Variants in ERICH3 observed in about 807,000 individuals in gnomAD.
ERICH3 encodes glutamate rich 3.
A neutral mutation model predicts 131.1 loss-of-function variants in ERICH3; 126 were observed. The observed-to-expected ratio is 0.96, with a 90% CI of 0.83 to 1.11. The LOEUF is 1.11. Ranked by LOEUF, ERICH3 falls within the 50% of genes most tolerant of loss-of-function variation. The pLI, the probability that ERICH3 is intolerant of heterozygous loss-of-function variation, is 0.00. For missense variants in ERICH3, 2,050 were observed against 1,810.7 expected (o/e 1.13, Z -2.40); for synonymous variants, 695 against 644.6 (o/e 1.08, Z -1.18).
At chr1:74,655,229 A>T (rs533398979) in intron 1 of ERICH3, among the ~76,000 whole-genome samples, 8 of 152,312 alleles carry the variant, frequency 5.3e-5, no homozygotes, top group African/African-American at 1.9e-4. Flanking sequence ...CCAAATTGTG[A>T]CTTATTCCAT....
intron 11 of ERICH3, among the ~76,000 whole-genome samples, chr1:74,595,761 T>C (rs1053346443): frequency 5.9e-5 from 9 of 152,082 alleles, no homozygotes; most frequent in African/African-American, 2.2e-4. Flanking sequence ...AGGATAGTTC[T>C]ACATTTAAGT....
intron 7 of ERICH3, among the ~76,000 whole-genome samples, chr1:74,630,797 T>C (rs765633642): frequency 1.4e-5 from 2 of 146,882 alleles, no homozygotes; most frequent in Non-Finnish European, 3.0e-5. Context: ...AGTGAAAGAG[T>C]ATCTGATCAA....
At chr1:74,594,921 G>T (rs1057462804) in intron 11 of ERICH3, among the ~76,000 whole-genome samples, 1 of 152,068 alleles carries the variant, frequency 6.6e-6, no homozygotes, top group Non-Finnish European at 1.5e-5. Flanking sequence ...TACAGAAATT[G>T]CAGTTTAAGT....
intron 7 of ERICH3, chr1:74,623,515 C>T (rs1298655715): frequency 6.6e-6 from 1 of 152,070 alleles, no homozygotes; most frequent in Non-Finnish European, 1.5e-5. Flanking sequence ...GTAGGGTGAC[C>T]ATGAAATTTA....
intron 7 of ERICH3, chr1:74,621,497 A>C (rs1246846827): frequency 6.6e-6 from 1 of 152,166 alleles, no homozygotes; most frequent in Non-Finnish European, 1.5e-5. Context: ...GGTGTCATCA[A>C]TAATTTGGGC....
In ERICH3 at chr1:74,638,126, A is replaced by G. The variant is rs532851559; in HGVS notation, c.445-1688T>C. On this transcript the variant is annotated intron_variant, in intron 5 of 14. Transcript: ENST00000326665. ...GAACAACAAATATTCAGCTCTGGAA[A>G]AGTGTGTGTAAATACTTTAAAAAAT... Among the ~76,000 whole-genome samples, 4 of 152,252 alleles carry G rather than the reference A, an allele frequency of 2.6e-5. No individual in the cohort carries two copies. In the South Asian group the frequency reaches 8.3e-4, roughly 32 times the overall value.
At chr1:74,656,930 C>T (rs1174922255) in intron 1 of ERICH3, among the ~76,000 whole-genome samples, 1 of 152,180 alleles carries the variant, frequency 6.6e-6, no homozygotes. Flanking sequence ...TCTTCTTGTA[C>T]ACCCTCCTAT....
chr1:74,581,216 A>G (rs1647172005), intron 12 of ERICH3, among the ~76,000 whole-genome samples: 1 of 152,124 alleles, frequency 6.6e-6, no homozygotes, highest in Admixed American at 6.6e-5. Context: ...CTTCTATTCA[A>G]ATAGTTGGAG....
intron 3 of ERICH3, among the ~76,000 whole-genome samples, chr1:74,643,963 G>T (rs1040856416): frequency 1.3e-5 from 2 of 152,016 alleles, no homozygotes; most frequent in African/African-American, 4.8e-5. Flanking sequence ...AGGAGGAATT[G>T]TATGTAATTA....
At position 74,599,871 on chromosome 1, in the gene ERICH3, C is replaced by G. The variant is rs1557677437; in HGVS notation, c.1550G>C (p.Gly517Ala). The change falls in exon 11 of 15, where the codon GGA (glycine) becomes GCA (alanine). Residue 517 changes from glycine to alanine, a missense_variant. By Grantham distance (60) the Gly-to-Ala change is moderately conservative. Transcript: ENST00000326665. ...TCCATTCATTTGAACATCAGCCTGTCCTTCTTCATTAGATTTTTCACCTTG... is the reference window on the plus strand; with the variant it reads ...TCCATTCATTTGAACATCAGCCTGTGCTTCTTCATTAGATTTTTCACCTTG... ...EKQGEKSNEE[G>A]QADVQMNGIP... The G allele has an allele frequency of 6.2e-7, 1 of 1,612,158 alleles. No homozygotes were observed. Among genetic ancestry groups the G allele is most frequent in the Non-Finnish European group, 8.5e-7 (1 of 1,178,850 alleles).
chr1:74,616,999 C>T (rs933752451), intron 8 of ERICH3, among the ~76,000 whole-genome samples: 14 of 151,962 alleles, frequency 9.2e-5, no homozygotes, highest in African/African-American at 3.1e-4. Context: ...CTTTTGGGGA[C>T]GTTAGCAATG....
Position 74,571,396 on chromosome 1 carries a change from C to A in ERICH3, c.4314G>T (p.Glu1438Asp). 6.2e-7 allele frequency: 1 copy of A among 1,614,046 alleles called. No individual in the cohort carries two copies. Among genetic ancestry groups the A allele is most frequent in the Non-Finnish European group, 8.5e-7 (1 of 1,180,012 alleles). The change falls in exon 14 of 15, where the codon GAG (glutamate) becomes GAT (aspartate). Residue 1438 changes from glutamate to aspartate, a missense_variant. Transcript: ENST00000326665. ...EAGVGTPGAL[E>D]RKTSGLGQEQ... ...CCTGTCCTAGCCCTGAGGTCTTCCG[C>A]TCCAGGGCTCCTGGAGTGCCCACCC... is the stretch of plus-strand genomic sequence containing the variant.
intron 8 of ERICH3, among the ~76,000 whole-genome samples, chr1:74,613,125 G>C (rs1025858253): frequency 6.6e-6 from 1 of 152,174 alleles, no homozygotes; most frequent in Admixed American, 6.5e-5. Context: ...TCACAGATTG[G>C]ACAAGCTAGA....
At chr1:74,584,200 G>A (rs1348012679) in intron 12 of ERICH3, among the ~76,000 whole-genome samples, 2 of 152,126 alleles carry the variant, frequency 1.3e-5, no homozygotes, top group East Asian at 1.9e-4. Context: ...CAAAATACCA[G>A]GATTAATTAC....
intron 12 of ERICH3, among the ~76,000 whole-genome samples, chr1:74,585,447 T>G (rs567882625): frequency 2.0e-5 from 3 of 152,326 alleles, no homozygotes; most frequent in Admixed American, 2.0e-4. Context: ...TATCATTTTA[T>G]GCAATCAACC....
chr1:74,571,734 T>G lies in ERICH3; in HGVS notation c.3976A>C (p.Thr1326Pro). 1 of 1,614,158 alleles carries G rather than the reference T, an allele frequency of 6.2e-7. No individual in the cohort carries two copies. The highest frequency in any genetic ancestry group is 8.5e-7 in the Non-Finnish European group (1 of 1,180,016). ...GDGDMEGEGN[T>P]QKNEGMGGGR... Reference sequence around the variant, plus strand: ...CCTCCCATGCCCTCATTCTTTTGTGTGTTTCCTTCTCCTTCCATGTCCCCG... The same window carrying G: ...CCTCCCATGCCCTCATTCTTTTGTGGGTTTCCTTCTCCTTCCATGTCCCCG... The change falls in exon 14 of 15, where the codon ACA becomes CCA. Residue 1326 changes from threonine to proline, a missense_variant. Thr to Pro is a conservative substitution (Grantham distance 38). Transcript: ENST00000326665.
At chr1:74,594,294 GT>G (rs1647744630) in intron 11 of ERICH3, among the ~76,000 whole-genome samples, 1 of 151,840 alleles carries the variant, frequency 6.6e-6, no homozygotes, top group South Asian at 2.1e-4. Context: ...GTGTGTGTGT[GT>G]GTGTGTGTGT....
chr1:74,669,998 C>G (rs1167747263), intron 1 of ERICH3, among the ~76,000 whole-genome samples: 1 of 152,112 alleles, frequency 6.6e-6, no homozygotes, highest in East Asian at 1.9e-4. Flanking sequence ...CTTTTATTTG[C>G]TACTGAAACT....
At chr1:74,585,751 A>AATAT (rs10670993) in intron 12 of ERICH3, among the ~76,000 whole-genome samples, 1 of 151,872 alleles carries the variant, frequency 6.6e-6, no homozygotes, top group Admixed American at 6.6e-5. Context: ...ATCTAAGTAC[A>AATAT]ATATATATGT....
Sources: allele counts gnomAD v4.1 joint callset (sites outside exome capture counted in the v4.1 genomes callset), GRCh38; gene constraint gnomAD v4.1.1; transcripts MANE v1.5; gene names NCBI Gene and HGNC (gene_info 2026-07-23, HGNC 2026-07-21).